Variants in ZFP28 observed in about 807,000 individuals in gnomAD.
ZFP28 encodes the protein ZFP28 zinc finger protein.
ZFP28 carries 31 observed loss-of-function variants against 39.5 expected under a neutral mutation model. That is an observed-to-expected ratio of 0.79 (90% CI 0.59 to 1.06). The LOEUF is 1.06. Ranked by LOEUF, ZFP28 falls within the 50% of genes least tolerant of loss-of-function variation. ZFP28 has a pLI of 0.00. For missense variants in ZFP28, 925 were observed against 1,048.4 expected, an observed-to-expected ratio of 0.88 and a Z score of 1.63; for synonymous variants, 400 against 378.6, an observed-to-expected ratio of 1.06 and a Z score of -0.66.
In ZFP28 at chr19:56,550,524, A is replaced by G. The variant is rs772411620; in HGVS notation, c.817A>G (p.Lys273Glu). 4 of 1,614,034 alleles carry G rather than the reference A, an allele frequency of 2.5e-6. No individual in the cohort carries two copies. Among genetic ancestry groups the G allele is most frequent in the Non-Finnish European group, 3.4e-6 (4 of 1,179,994 alleles). The part of the protein sequence containing the change: ...DLGSAGHCVA[K>E]PDLVSLLEQE... ...CACTTTTTCAGGACATTGTGTGGCTAAGCCAGATTTAGTCTCTTTACTAGA... is the reference window on the plus strand; with the variant it reads ...CACTTTTTCAGGACATTGTGTGGCTGAGCCAGATTTAGTCTCTTTACTAGA... The change falls in exon 7 of 8, where the codon AAG (lysine) becomes GAG (glutamate). Residue 273 changes from lysine to glutamate, a missense_variant. Around this residue, in one of 2 missense-constraint regions of ZFP28, gnomAD observed 556 missense variants for 542.9 expected, o/e 1.02. Coordinates refer to ENST00000301318, the MANE Select transcript of ZFP28 (RefSeq NM_020828.2).
chr19:56,549,546 G>A (rs1433655131), intron 5 of ZFP28, among the ~76,000 whole-genome samples: 6 of 152,114 alleles, frequency 3.9e-5, no homozygotes, highest in East Asian at 1.9e-4. Flanking sequence ...GCGTGCTGGC[G>A]GGCGCCTGTA....
At chr19:56,540,119 C>T (rs960572523) in intron 2 of ZFP28, among the ~76,000 whole-genome samples, 2 of 152,330 alleles carry the variant, frequency 1.3e-5, no homozygotes, top group East Asian at 1.9e-4. Context: ...GAGCTCACAG[C>T]CTGTTGACCC....
chr19:56,547,373 C>A lies in ZFP28; in HGVS notation c.301-135C>A. 1.5e-6 allele frequency: 2 copies of A among 1,306,400 alleles called. No individual in the cohort carries two copies. The highest frequency in any genetic ancestry group is 2.1e-6 in the Non-Finnish European group (2 of 941,030). The allele number at this position is 1,306,400 out of a possible 1,614,324, so 80.9% of individuals were successfully genotyped here. ...TGTAGGCCCTGTCTCTAAATACAGT[C>A]ACATTCAAAAGTACTGGGGATTAGG... is the stretch of plus-strand genomic sequence containing the variant. On this transcript the variant is annotated intron_variant, in intron 2 of 7. Coordinates refer to ENST00000301318, the MANE Select transcript of ZFP28 (RefSeq NM_020828.2). The surrounding 1 kb of genome is among the most constrained non-coding windows in gnomAD (Gnocchi z 4.6).
chr19:56,547,982 G>C lies in ZFP28; in HGVS notation c.523+80G>C, dbSNP rs2044259044. 1.5e-6 allele frequency: 2 copies of C among 1,369,438 alleles called. No individual in the cohort carries two copies. The highest frequency in any genetic ancestry group is 1.9e-4 in the Middle Eastern group (1 of 5,360). The allele number at this position is 1,369,438 out of a possible 1,614,324, so 84.8% of individuals were successfully genotyped here. A position where few individuals can be genotyped will look rare whatever the true frequency, so the allele number is the denominator to read the frequency against. On this transcript the variant is annotated intron_variant, in intron 4 of 7. Transcript: ENST00000301318. This position sits in a 1 kb window ranked among gnomAD's most constrained non-coding sequence, Gnocchi z 4.6. ...ACTCAGACACGCAACATCTTCAGCA[G>C]ACTCTTCCTAAGCCTCTTGCTTAGG...
upstream of ZFP28, among the ~76,000 whole-genome samples, chr19:56,537,486 C>T (rs966344402): frequency 2.0e-5 from 3 of 152,188 alleles, no homozygotes; most frequent in African/African-American, 4.8e-5. Context: ...ATAAGCTGGG[C>T]AGATGGCCAC....
rs146424874 is a variant in ZFP28, at chr19:56,547,876, G to T, written c.497G>T (p.Arg166Leu). The T allele has an allele frequency of 1.5e-5, 24 of 1,614,164 alleles. No homozygotes were observed. Among genetic ancestry groups the T allele is most frequent in the Non-Finnish European group, 2.0e-5 (24 of 1,180,032 alleles). The change falls in exon 4 of 8, where the codon CGA becomes CTA. Residue 166 changes from arginine to leucine, a missense_variant. Physicochemically the swap from Arg to Leu is moderately radical, Grantham distance 102. This residue lies in a region of ZFP28 where 556 missense variants were observed against 542.9 expected (regional missense o/e 1.02). Coordinates refer to ENST00000301318, the MANE Select transcript of ZFP28 (RefSeq NM_020828.2). This position sits in a 1 kb window ranked among gnomAD's most constrained non-coding sequence, Gnocchi z 4.6. ...GGAAAAGAGCCTTGGACAGTGAAGC[G>T]AAAGATGACAAGAGCCTGGTGCCCA... is the stretch of plus-strand genomic sequence containing the variant. ...EQGKEPWTVK[R>L]KMTRAWCPDL...
chr19:56,551,091 G>A (rs2044297777), intron 7 of ZFP28: 24 of 1,057,462 alleles, frequency 2.3e-5, no homozygotes, highest in Admixed American at 4.9e-5. Context: ...GATAAGACAT[G>A]TTTATGGATA....
chr19:56,550,706 C>T (rs2044293209), intron 7 of ZFP28, 101 bp downstream of exon 7: 5 of 1,585,170 alleles, frequency 3.2e-6, no homozygotes, highest in East Asian at 2.3e-5. Flanking sequence ...GGAAACTTTA[C>T]CCAGGGTCTC....
At chr19:56,550,819 T>C (rs2044294541) in intron 7 of ZFP28, 1 of 1,493,924 alleles carries the variant, frequency 6.7e-7, no homozygotes. Flanking sequence ...AGTTCCTTCT[T>C]TTCTTGGCCA....
At chr19:56,546,601 T>C (rs534451767) in intron 2 of ZFP28, 5 of 152,310 alleles carry the variant, frequency 3.3e-5, no homozygotes, top group South Asian at 4.1e-4. Context: ...TTATTACATA[T>C]TCATTTTAGA....
intron 2 of ZFP28, among the ~76,000 whole-genome samples, chr19:56,545,284 C>T (rs1044653967): frequency 6.6e-6 from 1 of 152,124 alleles, no homozygotes; most frequent in Non-Finnish European, 1.5e-5. Flanking sequence ...GATTCAACTC[C>T]CTCTGCAGTT....
At chr19:56,548,740 C>A (rs974568600) in intron 4 of ZFP28, among the ~76,000 whole-genome samples, 1 of 152,102 alleles carries the variant, frequency 6.6e-6, no homozygotes, top group Non-Finnish European at 1.5e-5. Context: ...TTATTGTGGC[C>A]TTTAGGACTA....
At position 56,547,354 on chromosome 19, in the gene ZFP28, C is replaced by A; in HGVS notation, c.301-154C>A. On this transcript the variant is annotated intron_variant, in intron 2 of 7. Transcript: ENST00000301318. The surrounding 1 kb of genome is among the most constrained non-coding windows in gnomAD (Gnocchi z 4.6). Reference sequence around the variant, plus strand: ...TTAACCCTAATTACCTCTTTGTAGGCCCTGTCTCTAAATACAGTCACATTC... The same window carrying A: ...TTAACCCTAATTACCTCTTTGTAGGACCTGTCTCTAAATACAGTCACATTC... 1 of 1,103,212 alleles carries A rather than the reference C, an allele frequency of 9.1e-7. No homozygotes were observed. The allele number at this position is 1,103,212 out of a possible 1,614,324, so 68.3% of individuals were successfully genotyped here.
rs2044352996 is a variant in ZFP28 at position 56,556,569 on chromosome 19, G to C, written c.*1177G>C. 6.6e-6 allele frequency: 1 copy of C among 152,140 alleles called. No homozygotes were observed. Among genetic ancestry groups the C allele is most frequent in the East Asian group, 1.9e-4 (1 of 5,188 alleles). 9.4% of individuals were successfully genotyped at this position (152,140 alleles called of 1,614,324 possible). On this transcript the variant is annotated 3_prime_UTR_variant, in exon 8 of 8. Transcript: ENST00000301318. ...TTAGACAACTGTGACAGACTATATGGCTCGCAAAACTGCAAATATTTCCTA... is the reference window on the plus strand; with the variant it reads ...TTAGACAACTGTGACAGACTATATGCCTCGCAAAACTGCAAATATTTCCTA...
chr19:56,554,112 A>G lies in ZFP28; in HGVS notation c.1327A>G (p.Thr443Ala). Residue 443 changes from threonine (T) to alanine (A), a missense_variant, in exon 8 of 8, where the codon ACT becomes GCT. By Grantham distance (58) the Thr-to-Ala change is moderately conservative (BLOSUM62 0). This residue lies in a region of ZFP28 where 556 missense variants were observed against 542.9 expected (regional missense o/e 1.02). Transcript: ENST00000301318. This position sits in a 1 kb window ranked among gnomAD's most constrained non-coding sequence, Gnocchi z 6.7. Reference protein sequence around the residue: ...SSLTVHQRIHTGEKPYKCNEC... With the variant: ...SSLTVHQRIHAGEKPYKCNEC... ...TCTTACTGTTCATCAGAGAATTCAC[A>G]CTGGAGAGAAACCTTATAAATGTAA... 1 of 1,614,248 alleles carries G rather than the reference A, an allele frequency of 6.2e-7. No homozygotes were observed. The highest frequency in any genetic ancestry group is 8.5e-7 in the Non-Finnish European group (1 of 1,180,042).
At chr19:56,546,312 T>C (rs1600543036) in intron 2 of ZFP28, 1 of 152,212 alleles carries the variant, frequency 6.6e-6, no homozygotes, top group African/African-American at 2.4e-5. Flanking sequence ...AGCCACAGGT[T>C]CCTGGGATTA....
intron 2 of ZFP28, chr19:56,546,564 CATT>C (rs1472515718): frequency 6.6e-6 from 1 of 152,022 alleles, no homozygotes; most frequent in Non-Finnish European, 1.5e-5. Context: ...TAATTAAAAA[CATT>C]ATAGTGCTTT....
chr19:56,554,589 A>G lies in ZFP28; in HGVS notation c.1804A>G (p.Ile602Val). 6.2e-7 allele frequency: 1 copy of G among 1,614,154 alleles called. No homozygotes were observed. Among genetic ancestry groups the G allele is most frequent in the African/African-American group, 1.3e-5 (1 of 75,020 alleles). The change falls in exon 8 of 8, where the codon ATA (isoleucine) becomes GTA (valine). Residue 602 changes from isoleucine (I) to valine (V), a missense_variant. This residue lies in a region of ZFP28 where 369 missense variants were observed against 505.5 expected (regional missense o/e 0.73). Transcript: ENST00000301318. The surrounding 1 kb of genome is among the most constrained non-coding windows in gnomAD (Gnocchi z 6.7). ...GTGCGGAAAAGCTTTTAGGCAGAATATACACCTTGCCAGTCATTTAAGGAT... is the reference window on the plus strand; with the variant it reads ...GTGCGGAAAAGCTTTTAGGCAGAATGTACACCTTGCCAGTCATTTAAGGAT... ...KECGKAFRQN[I>V]HLASHLRIHT...
chr19:56,539,772 A>G lies in ZFP28; in HGVS notation c.300+56A>G, dbSNP rs1014023013. 62 of 1,506,206 alleles carry G rather than the reference A, an allele frequency of 4.1e-5. 1 individual carries two copies. Among genetic ancestry groups the G allele is most frequent in the Admixed American group, 3.4e-4 (19 of 56,014 alleles). 93.3% of individuals were successfully genotyped at this position (1,506,206 alleles called of 1,614,324 possible). On this transcript the variant is annotated intron_variant, in intron 2 of 7. Coordinates refer to ENST00000301318, the MANE Select transcript of ZFP28 (RefSeq NM_020828.2). ...AATGCAGTCTTGCTTTTCGGGACTTAATGTTGCTTATTTTCTTGAAAGTTT... is the reference window on the plus strand; with the variant it reads ...AATGCAGTCTTGCTTTTCGGGACTTGATGTTGCTTATTTTCTTGAAAGTTT...
Sources: allele counts gnomAD v4.1 joint callset (sites outside exome capture counted in the v4.1 genomes callset), GRCh38; gene constraint gnomAD v4.1.1; regional missense constraint gnomAD v4.1.1; non-coding constraint Gnocchi (gnomAD v3.1); transcripts MANE v1.5; gene names NCBI Gene and HGNC (gene_info 2026-07-23, HGNC 2026-07-21).